PHACTR3: variants seen among roughly 807,000 people sequenced by gnomAD.
PHACTR3 encodes the protein protein phosphatase 1, regulatory subunit 123.
In PHACTR3, 16 loss-of-function variants were observed where a neutral mutation model predicts 66.8. The ratio of observed to expected loss-of-function variants is 0.24; its 90% CI spans 0.16 to 0.36. PHACTR3 has a LOEUF of 0.36. Among genes scored for constraint, PHACTR3 ranks in the 10% least tolerant of loss-of-function variants. The probability of loss-of-function intolerance (pLI) is 1.00; values close to 1 mark genes in which losing one functional copy is unlikely to be tolerated. For missense variants in PHACTR3, 647 were observed against 719.9 expected (o/e 0.90, Z 1.16); for synonymous variants, 323 against 292.1 (o/e 1.11, Z -1.08).
intron 2 of PHACTR3, among the ~76,000 whole-genome samples, chr20:59,747,421 T>C (rs538894481): frequency 3.3e-5 from 5 of 152,224 alleles, no homozygotes; most frequent in African/African-American, 1.2e-4. Flanking sequence ...TGGTTGGTAA[T>C]TTAGGGAACA....
chr20:59,841,305 TG>T, intron 10 of PHACTR3, 89 bp from the exon 11 acceptor site: 1 of 1,352,526 alleles, frequency 7.4e-7, no homozygotes, highest in Non-Finnish European at 1.0e-6. Flanking sequence ...TGTTTTGTTT[TG>T]TTTTTTAAGA....
At chr20:59,808,444 T>C (rs1728145894) in intron 8 of PHACTR3, among the ~76,000 whole-genome samples, 1 of 152,214 alleles carries the variant, frequency 6.6e-6, no homozygotes, top group Non-Finnish European at 1.5e-5. Context: ...GGAGCCACAG[T>C]CCACATCTCC....
chr20:59,792,650 AT>A lies in PHACTR3; in HGVS notation c.1175-13385del, dbSNP rs987003975. Among the ~76,000 whole-genome samples the A allele has an allele frequency of 5.3e-5, 8 of 152,140 alleles. No homozygotes were observed. The South Asian group carries it at 1.7e-3, about 32-fold the overall frequency. ...GTGTCTTATTATGGTTTTAATTTGCATTTTTTCTAATAATTAATGATGTTGA... is the reference window on the plus strand; with the variant it reads ...GTGTCTTATTATGGTTTTAATTTGCATTTTTCTAATAATTAATGATGTTGA... On this transcript the variant is annotated intron_variant, in intron 7 of 12. Coordinates refer to ENST00000371015, the MANE Select transcript of PHACTR3 (RefSeq NM_080672.5).
intron 3 of PHACTR3, among the ~76,000 whole-genome samples, chr20:59,753,469 GGA>G (rs1260972229): frequency 6.6e-6 from 1 of 152,214 alleles, no homozygotes; most frequent in Admixed American, 6.5e-5. Context: ...TGAGGACTCT[GGA>G]GGGAGAAACG....
intron 4 of PHACTR3, among the ~76,000 whole-genome samples, chr20:59,766,065 G>A (rs1367038650): frequency 1.3e-5 from 2 of 152,190 alleles, no homozygotes; most frequent in Non-Finnish European, 2.9e-5. Flanking sequence ...GAGATGCTGG[G>A]GACAGCAGTT....
rs1255848529 is a variant in PHACTR3, at chr20:59,605,001, C to G, written c.-14C>G. On this transcript the variant is annotated 5_prime_UTR_variant, in exon 1 of 13. Coordinates refer to ENST00000371015, the MANE Select transcript of PHACTR3 (RefSeq NM_080672.5). ...CGCGGCTCGCTCTAACTTGCCCCCG[C>G]GCCGGCCGGGCCCATGGCCGCGTCG... 2 of 1,305,840 alleles carry G rather than the reference C, an allele frequency of 1.5e-6. No individual in the cohort carries two copies. The highest frequency in any genetic ancestry group is 2.0e-6 in the Non-Finnish European group (2 of 1,021,242). 80.9% of individuals were successfully genotyped at this position (1,305,840 alleles called of 1,614,324 possible). A position where few individuals can be genotyped will look rare whatever the true frequency, so the allele number is the denominator to read the frequency against.
intron 1 of PHACTR3, among the ~76,000 whole-genome samples, chr20:59,661,177 G>A (rs1033885796): frequency 2.0e-5 from 3 of 152,172 alleles, no homozygotes; most frequent in African/African-American, 7.2e-5. Flanking sequence ...CCCGGGTACC[G>A]TGACTTTGTT....
At chr20:59,786,417 G>A (rs532346279) in intron 7 of PHACTR3, among the ~76,000 whole-genome samples, 15 of 152,314 alleles carry the variant, frequency 9.8e-5, no homozygotes, top group African/African-American at 2.6e-4. Context: ...GGGGGACAGC[G>A]AGGGCTGCTG....
intron 4 of PHACTR3, among the ~76,000 whole-genome samples, chr20:59,756,202 C>T (rs918845462): frequency 6.6e-6 from 1 of 152,166 alleles, no homozygotes; most frequent in Non-Finnish European, 1.5e-5. Flanking sequence ...CTCCTCCTGC[C>T]CACCTGGCAG....
chr20:59,667,623 A>G (rs2036037292), intron 1 of PHACTR3, among the ~76,000 whole-genome samples: 1 of 152,212 alleles, frequency 6.6e-6, no homozygotes, highest in South Asian at 2.1e-4. Context: ...CCAGAAATTC[A>G]TGCAGAATCC....
intron 1 of PHACTR3, among the ~76,000 whole-genome samples, chr20:59,589,458 C>T (rs1600871112): frequency 1.3e-5 from 2 of 152,166 alleles, no homozygotes; most frequent in Admixed American, 1.3e-4. Context: ...GCTACGGCTG[C>T]AGAACGTAAG....
At chr20:59,767,649 C>T (rs1033490713) in intron 5 of PHACTR3, among the ~76,000 whole-genome samples, 1 of 152,180 alleles carries the variant, frequency 6.6e-6, no homozygotes, top group Non-Finnish European at 1.5e-5. Flanking sequence ...CAGGAGTAGA[C>T]TGCCTAGGCT....
At chr20:59,734,449 G>T (rs1283368625) in intron 1 of PHACTR3, among the ~76,000 whole-genome samples, 1 of 151,988 alleles carries the variant, frequency 6.6e-6, no homozygotes, top group Admixed American at 6.6e-5. Flanking sequence ...GTAGAGACAG[G>T]GTCTCACTAC....
intron 7 of PHACTR3, among the ~76,000 whole-genome samples, chr20:59,781,452 G>C (rs1205207003): frequency 2.0e-5 from 3 of 152,174 alleles, no homozygotes; most frequent in Admixed American, 1.3e-4. Flanking sequence ...CTGGGCCCTG[G>C]CTGCCTTTCG....
In PHACTR3 at chr20:59,625,288, G is replaced by A. The variant is rs370407801; in HGVS notation, c.118+20156G>A. Among the ~76,000 whole-genome samples the A allele has an allele frequency of 6.6e-5, 10 of 152,022 alleles. 1 individual carries two copies. In the East Asian group the frequency reaches 1.5e-3, roughly 24 times the overall value. ...GCAGGCCCCATTCCTGTTAGAGAAG[G>A]TGCGTGGAACTGGTGTGGTTGGGAG... On this transcript the variant is annotated intron_variant, in intron 1 of 12. Coordinates refer to ENST00000371015, the MANE Select transcript of PHACTR3 (RefSeq NM_080672.5).
intron 1 of PHACTR3, among the ~76,000 whole-genome samples, chr20:59,665,066 T>C (rs2035939913): frequency 6.6e-6 from 1 of 152,218 alleles, no homozygotes; most frequent in Non-Finnish European, 1.5e-5. Context: ...TTATTCCAAG[T>C]AGTCTAAATT....
chr20:59,802,757 G>T (rs1369401184), intron 7 of PHACTR3, among the ~76,000 whole-genome samples: 5 of 152,182 alleles, frequency 3.3e-5, no homozygotes, highest in Non-Finnish European at 7.3e-5. Context: ...GTTGTGATTG[G>T]AACGATGCCC....
chr20:59,639,933 T>C (rs533136582), intron 1 of PHACTR3, among the ~76,000 whole-genome samples: 2 of 152,330 alleles, frequency 1.3e-5, no homozygotes, highest in East Asian at 3.9e-4. Flanking sequence ...AACCTGGCCA[T>C]GATGCCCCTA....
At chr20:59,590,377 A>G (rs1199254204) in intron 1 of PHACTR3, among the ~76,000 whole-genome samples, 5 of 152,172 alleles carry the variant, frequency 3.3e-5, no homozygotes, top group Non-Finnish European at 5.9e-5. Flanking sequence ...CAAGAACTGG[A>G]TGAGCTGGGA....
Sources: allele counts gnomAD v4.1 joint callset (sites outside exome capture counted in the v4.1 genomes callset), GRCh38; gene constraint gnomAD v4.1.1; transcripts MANE v1.5; gene names NCBI Gene and HGNC (gene_info 2026-07-23, HGNC 2026-07-21).